Variants in E2F7 observed in about 807,000 individuals in gnomAD.
E2F7 encodes the protein E2F transcription factor 7.
In E2F7, 35 loss-of-function variants were observed where a neutral mutation model predicts 81.1. The ratio of observed to expected loss-of-function variants is 0.43; its 90% confidence interval spans 0.33 to 0.57. The LOEUF (loss-of-function observed/expected upper bound fraction) is 0.57. E2F7 is among the 20% of genes least tolerant of loss of function. E2F7 has a pLI of 0.04. For synonymous variants in E2F7, 416 were observed against 416.2 expected (o/e 1.00, Z 0.01); for missense variants, 961 against 1,093.7 (o/e 0.88, Z 1.71).
chr12:77,063,105 G>A (rs1303476808), intron 2 of E2F7, among the ~76,000 whole-genome samples: 1 of 152,104 alleles, frequency 6.6e-6, no homozygotes. Flanking sequence ...GTATTTGCAC[G>A]GTAGATACTA....
At chr12:77,036,646 G>A (rs1045739579) in intron 7 of E2F7, among the ~76,000 whole-genome samples, 19 of 152,034 alleles carry the variant, frequency 1.2e-4, no homozygotes, top group Non-Finnish European at 2.4e-4. Context: ...GGCTGGGCTC[G>A]AACTCCTGGG....
At chr12:77,030,739 A>G (rs1954799730) in intron 9 of E2F7, among the ~76,000 whole-genome samples, 1 of 152,200 alleles carries the variant, frequency 6.6e-6, no homozygotes, top group Non-Finnish European at 1.5e-5. Flanking sequence ...CCAGTTTACT[A>G]GCGAGGAAGA....
chr12:77,061,213 T>C (rs1402947200), intron 2 of E2F7, among the ~76,000 whole-genome samples: 3 of 152,226 alleles, frequency 2.0e-5, no homozygotes, highest in Non-Finnish European at 4.4e-5. Flanking sequence ...TTACGACCTT[T>C]CATGAATTCC....
At chr12:77,024,332 G>T in intron 12 of E2F7, 147 bp from the exon 13 acceptor site, 1 of 829,096 alleles carries the variant, frequency 1.2e-6, no homozygotes, top group Non-Finnish European at 1.8e-6. Context: ...TACCCCGTTT[G>T]TCTCCCCTGC....
chr12:77,029,786 G>A lies in E2F7; in HGVS notation c.1884+45C>T, dbSNP rs760749036. On this transcript the variant is annotated intron_variant, in intron 10 of 12. Transcript: ENST00000322886. ...TGTATCTTCATTAGGAAGAAGCTCA[G>A]GGCTAACAGGATGTCACCAGACACA... 17 of 1,604,656 alleles carry A rather than the reference G, an allele frequency of 1.1e-5. No homozygotes were observed. In the African/African-American group the frequency reaches 1.9e-4, roughly 18 times the overall value.
chr12:77,027,801 A>T, intron 11 of E2F7, 82 bp downstream of exon 11: 1 of 1,544,582 alleles, frequency 6.5e-7, no homozygotes, highest in East Asian at 2.2e-5. Flanking sequence ...ACTTTGGGTC[A>T]GGTGACACAG....
intron 2 of E2F7, among the ~76,000 whole-genome samples, chr12:77,056,902 T>A (rs891599614): frequency 1.3e-5 from 2 of 151,642 alleles, no homozygotes; most frequent in African/African-American, 2.4e-5. Context: ...TTTTTTTTTT[T>A]TAAAAGATAG....
At chr12:77,034,733 T>C (rs1215035710) in intron 7 of E2F7, among the ~76,000 whole-genome samples, 1 of 152,230 alleles carries the variant, frequency 6.6e-6, no homozygotes, top group Non-Finnish European at 1.5e-5. Context: ...ATCTCTACCA[T>C]ATTCATTTGT....
At chr12:77,039,991 A>G (rs1464630887) in intron 7 of E2F7, among the ~76,000 whole-genome samples, 1 of 152,226 alleles carries the variant, frequency 6.6e-6, no homozygotes, top group Admixed American at 6.5e-5. Context: ...AGTACAGGTT[A>G]TAGTTGATTC....
At chr12:77,030,471 T>TG (rs771280858) in intron 9 of E2F7, 139 bp from the exon 10 acceptor site, 192 of 1,077,006 alleles carry the variant, frequency 1.8e-4, no homozygotes, top group Non-Finnish European at 2.3e-4. Flanking sequence ...GCTGAGCACG[T>TG]GTTAGCTCAT....
In E2F7 at chr12:77,050,762, A is replaced by C. The variant is rs1389323935; in HGVS notation, c.370-18T>G. On this transcript the variant is annotated intron_variant, in intron 3 of 12. Transcript: ENST00000322886. ...ACATCAAGCTACAGAGGGCAGATAG[A>C]AGGGAGGGGGAAGATGTCACAGTTA... 79 of 1,608,186 alleles carry C rather than the reference A, an allele frequency of 4.9e-5. No homozygotes were observed. Among genetic ancestry groups the C allele is most frequent in the Non-Finnish European group, 6.6e-5 (78 of 1,176,598 alleles).
intron 11 of E2F7, 119 bp downstream of exon 11, chr12:77,027,763 TA>T: frequency 2.2e-6 from 3 of 1,364,840 alleles, no homozygotes; most frequent in Non-Finnish European, 3.0e-6. Flanking sequence ...GGGCTAAGAG[TA>T]AAATGACTCA....
At chr12:77,037,343 C>T (rs922770100) in intron 7 of E2F7, among the ~76,000 whole-genome samples, 14 of 152,136 alleles carry the variant, frequency 9.2e-5, no homozygotes, top group Admixed American at 6.5e-4. Context: ...CTAATCCTAA[C>T]ACTTTGGAAG....
chr12:77,037,575 T>A (rs1329639232), intron 7 of E2F7, among the ~76,000 whole-genome samples: 2 of 152,240 alleles, frequency 1.3e-5, no homozygotes, highest in Admixed American at 6.5e-5. Flanking sequence ...ACATGTAGTA[T>A]ACTATCACTT....
In E2F7 at chr12:77,023,642, T is replaced by G; in HGVS notation, c.*373A>C. 1 of 162,644 alleles carries G rather than the reference T, an allele frequency of 6.1e-6. No homozygotes were observed. Among genetic ancestry groups the G allele is most frequent in the Non-Finnish European group, 1.3e-5 (1 of 74,934 alleles). The allele number at this position is 162,644 out of a possible 1,614,324, so 10.1% of individuals were successfully genotyped here. ...GAAGCTTCTCTCACCACAGATTTAC[T>G]CAGGGCAAGTGGAAATACATGTTAA... On this transcript the variant is annotated 3_prime_UTR_variant, in exon 13 of 13. Transcript: ENST00000322886.
intron 2 of E2F7, among the ~76,000 whole-genome samples, chr12:77,057,181 G>C (rs542917379): frequency 3.9e-5 from 6 of 152,102 alleles, no homozygotes; most frequent in South Asian, 2.1e-4. Context: ...GCCTCCCAAA[G>C]TGCTGGGATT....
chr12:77,053,149 G>T (rs567610812), intron 3 of E2F7, among the ~76,000 whole-genome samples: 1 of 152,258 alleles, frequency 6.6e-6, no homozygotes, highest in South Asian at 2.1e-4. Context: ...ATACTAGTAG[G>T]TATGTACCCA....
At chr12:77,060,860 A>G (rs1470913264) in intron 2 of E2F7, among the ~76,000 whole-genome samples, 1 of 152,200 alleles carries the variant, frequency 6.6e-6, no homozygotes, top group Non-Finnish European at 1.5e-5. Context: ...TCAAACTACC[A>G]GTCTGTTCTG....
chr12:77,031,721 A>C (rs1954809524), intron 9 of E2F7, among the ~76,000 whole-genome samples: 3 of 152,196 alleles, frequency 2.0e-5, no homozygotes, highest in African/African-American at 7.2e-5. Context: ...ACAGAGGACC[A>C]GGATTTCTTT....
Sources: gnomAD v4.1 joint callset for allele counts (sites outside exome capture counted in the v4.1 genomes callset) on GRCh38, gnomAD v4.1.1 for gene constraint, MANE v1.5 for transcripts, NCBI Gene and HGNC (gene_info 2026-07-23, HGNC 2026-07-21) for gene names.